Variants in LRTM3 observed in about 807,000 individuals in gnomAD.
The protein encoded by LRTM3 is leucine-rich repeat transmembrane protein 3.
chr13:102,731,301 T>C, the LRTM3 span: 25 of 1,551,210 alleles, frequency 1.6e-5, no homozygotes, highest in Non-Finnish European at 2.1e-5. Flanking sequence ...ATAAAGTTCA[T>C]TGTTTTATGT....
the LRTM3 span, chr13:102,731,609 A>T: frequency 1.4e-5 from 22 of 1,551,382 alleles, no homozygotes; most frequent in Admixed American, 4.1e-4. Flanking sequence ...ATCAGAAGAA[A>T]CTTTGTCTTG....
the LRTM3 span, chr13:102,748,340 G>C: frequency 6.4e-7 from 1 of 1,550,806 alleles, no homozygotes; most frequent in Middle Eastern, 1.7e-4. Context: ...AATTTTTATG[G>C]CTTCTAATTC....
At chr13:102,758,796 A>T in the LRTM3 span, 1 of 1,549,868 alleles carries the variant, frequency 6.5e-7, no homozygotes, top group African/African-American at 1.4e-5. Flanking sequence ...AATAATTCCT[A>T]GTAAAATTAT....
the LRTM3 span, chr13:102,732,975 C>T: frequency 1.4e-5 from 21 of 1,551,330 alleles, no homozygotes; most frequent in Admixed American, 3.9e-5. Flanking sequence ...TCCTCTTGTT[C>T]TGAAATGAGC....
At chr13:102,737,902 T>C in the LRTM3 span, 1 of 1,550,984 alleles carries the variant, frequency 6.4e-7, no homozygotes, top group Non-Finnish European at 8.7e-7. Flanking sequence ...GGAACAGAAC[T>C]CTTTCCTGTT....
chr13:102,756,931 C>T, the LRTM3 span, among the ~76,000 whole-genome samples: 4 of 152,066 alleles, frequency 2.6e-5, no homozygotes, highest in Non-Finnish European at 4.4e-5. Flanking sequence ...TAATAGGACA[C>T]GGGGATGGAA....
chr13:102,747,771 T>C, the LRTM3 span: 8 of 1,551,246 alleles, frequency 5.2e-6, no homozygotes, highest in African/African-American at 1.4e-5. Context: ...GGATCCATCA[T>C]GGGGCATGGA....
At chr13:102,732,260 C>G in the LRTM3 span, 1 of 1,551,318 alleles carries the variant, frequency 6.4e-7, no homozygotes, top group Non-Finnish European at 8.7e-7. Flanking sequence ...AATAGAAAGA[C>G]TTCTGATAAA....
the LRTM3 span, chr13:102,743,750 G>A: frequency 6.5e-7 from 1 of 1,549,938 alleles, no homozygotes; most frequent in African/African-American, 1.4e-5. Flanking sequence ...TTTTCTGGTA[G>A]ACTCTCTATT....
the LRTM3 span, chr13:102,737,218 T>A: frequency 8.4e-6 from 13 of 1,551,030 alleles, no homozygotes; most frequent in Non-Finnish European, 1.1e-5. Context: ...ATTCTTGTAC[T>A]GTTTTTACAT....
At chr13:102,736,808 A>G in the LRTM3 span, 2 of 1,551,084 alleles carry the variant, frequency 1.3e-6, no homozygotes, top group South Asian at 1.2e-5. Context: ...GATCTGGGCC[A>G]TGTATTTTGT....
At chr13:102,746,733 T>C in the LRTM3 span, 1 of 1,551,056 alleles carries the variant, frequency 6.4e-7, no homozygotes, top group Non-Finnish European at 8.7e-7. Flanking sequence ...GGTATTTCTG[T>C]CTTTTCTTCT....
chr13:102,732,401 T>C, the LRTM3 span: 4 of 1,551,418 alleles, frequency 2.6e-6, no homozygotes, highest in Middle Eastern at 1.7e-4. Flanking sequence ...ATTCTGGATT[T>C]TCATAGTTAA....
the LRTM3 span, chr13:102,734,490 C>T: frequency 1.3e-6 from 2 of 1,551,350 alleles, no homozygotes; most frequent in Middle Eastern, 1.7e-4. Context: ...CCAATGTTCA[C>T]ATGCAGTTCT....
chr13:102,749,478 C>A, the LRTM3 span: 3 of 1,551,142 alleles, frequency 1.9e-6, no homozygotes, highest in African/African-American at 1.4e-5. Context: ...GAATATTTAA[C>A]CTTGTTTGAA....
the LRTM3 span, chr13:102,732,102 A>C: frequency 6.4e-7 from 1 of 1,551,288 alleles, no homozygotes; most frequent in East Asian, 2.4e-5. Flanking sequence ...GTGTTTGTAA[A>C]ATTCTGTTCC....
chr13:102,740,190 C>T, the LRTM3 span: 101 of 1,548,554 alleles, frequency 6.5e-5, no homozygotes, highest in African/African-American at 1.2e-3. Context: ...AAATCAAAGA[C>T]CTGTACCCCA....
the LRTM3 span, chr13:102,747,219 C>T: frequency 5.0e-5 from 78 of 1,550,440 alleles, no homozygotes; most frequent in African/African-American, 8.4e-4. Flanking sequence ...CTGTGATTCT[C>T]TGCATTTAAT....
At chr13:102,747,156 G>C in the LRTM3 span, 3 of 1,550,752 alleles carry the variant, frequency 1.9e-6, no homozygotes, top group Admixed American at 5.9e-5. Flanking sequence ...ATGAAATATG[G>C]ATACTTTTCT....
Sources: gnomAD v4.1 joint callset for allele counts (sites outside exome capture counted in the v4.1 genomes callset) on GRCh38, gnomAD v4.1.1 for gene constraint, MANE v1.5 for transcripts, NCBI Gene and HGNC (gene_info 2026-07-23, HGNC 2026-07-21) for gene names.